GLT1D1: variants seen among roughly 807,000 people sequenced by gnomAD.
GLT1D1 encodes glycosyltransferase 1 domain-containing protein 1.
GLT1D1 carries 21 observed loss-of-function variants against 28.7 expected under a neutral mutation model. That is an observed-to-expected ratio of 0.73 (90% confidence interval 0.52 to 1.05). The LOEUF (loss-of-function observed/expected upper bound fraction) is 1.05. GLT1D1 is among the 50% of genes least tolerant of loss of function. The probability of loss-of-function intolerance (pLI) is 0.00; values close to 1 mark genes in which losing one functional copy is unlikely to be tolerated. For synonymous variants in GLT1D1, 147 were observed against 124.8 expected (o/e 1.18, Z -1.19); for missense variants, 343 against 330.6 (o/e 1.04, Z -0.29).
At chr12:128,863,378 A>AT (rs796805677) in intron 1 of GLT1D1, among the ~76,000 whole-genome samples, 1,390 of 78,010 alleles carry the variant, frequency 0.018, 14 homozygotes, top group African/African-American at 0.058. Context: ...ATAATTTATT[A>AT]TTTTTTTTTT....
intron 4 of GLT1D1, among the ~76,000 whole-genome samples, chr12:128,933,255 G>A (rs1442467651): frequency 3.9e-5 from 6 of 152,268 alleles, no homozygotes; most frequent in South Asian, 2.1e-4. Flanking sequence ...CACAGGGTGC[G>A]GAAGCGATGC....
At chr12:128,889,206 T>G (rs1218822565) in intron 3 of GLT1D1, among the ~76,000 whole-genome samples, 1 of 152,162 alleles carries the variant, frequency 6.6e-6, no homozygotes, top group African/African-American at 2.4e-5. Context: ...AGCACACAAA[T>G]TAGGATCTAG....
At chr12:128,958,976 TACAGGCA>T in intron 7 of GLT1D1, among the ~76,000 whole-genome samples, 1 of 151,008 alleles carries the variant, frequency 6.6e-6, no homozygotes, top group East Asian at 2.0e-4. Context: ...TAGCTGGGAC[TACAGGCA>T]TGCACCACCA....
chr12:128,914,632 C>T (rs1471574900), intron 4 of GLT1D1, among the ~76,000 whole-genome samples: 3 of 152,014 alleles, frequency 2.0e-5, no homozygotes, highest in Non-Finnish European at 4.4e-5. Flanking sequence ...CCAGCCTGGC[C>T]AACATGGTGA....
intron 1 of GLT1D1, among the ~76,000 whole-genome samples, chr12:128,874,999 G>A (rs1264572303): frequency 6.6e-6 from 1 of 151,604 alleles, no homozygotes; most frequent in African/African-American, 2.4e-5. Flanking sequence ...ATGTTACCAG[G>A]AGCTGAAACT....
intron 2 of GLT1D1, among the ~76,000 whole-genome samples, chr12:128,883,522 G>A (rs1307872797): frequency 6.6e-6 from 1 of 150,612 alleles, no homozygotes; most frequent in Non-Finnish European, 1.5e-5. Flanking sequence ...CCCGGGAGAC[G>A]GAGCTTGCAG....
intron 6 of GLT1D1, among the ~76,000 whole-genome samples, chr12:128,949,172 T>C (rs1876436190): frequency 6.6e-6 from 1 of 152,234 alleles, no homozygotes; most frequent in African/African-American, 2.4e-5. Flanking sequence ...TAGGTAAATA[T>C]ACATTTTTTT....
chr12:128,952,990 C>A (rs1213524521), intron 6 of GLT1D1, among the ~76,000 whole-genome samples: 3 of 152,022 alleles, frequency 2.0e-5, no homozygotes, highest in Non-Finnish European at 2.9e-5. Context: ...CCATGTTGGC[C>A]TAGCTGGTCT....
chr12:128,906,866 T>A (rs1870931693), intron 4 of GLT1D1: 1 of 702,080 alleles, frequency 1.4e-6, no homozygotes, highest in African/African-American at 1.7e-5. Context: ...TTACTTTGTG[T>A]ACATTTACTC....
Position 128,881,206 on chromosome 12 carries a change from A to G in GLT1D1, c.217+5144A>G, listed in dbSNP as rs1156519408. On this transcript the variant is annotated intron_variant, in intron 2 of 7. Coordinates refer to ENST00000281703, the MANE Select transcript of GLT1D1 (RefSeq NM_144669.3). ...GCCACTGCACTCCAGCCTGGGCGAC[A>G]GAGCGAGACTCCGTTTCAAAAAAAA... Among the ~76,000 whole-genome samples the G allele has an allele frequency of 1.3e-4, 17 of 127,862 alleles. No homozygotes were observed. The South Asian group carries it at 1.3e-3, about 10-fold the overall frequency. 83.9% of individuals were successfully genotyped at this position (127,862 alleles called of 152,430 possible).
chr12:128,885,788 G>A (rs143789615), intron 2 of GLT1D1, among the ~76,000 whole-genome samples: 22 of 151,326 alleles, frequency 1.5e-4, no homozygotes, highest in South Asian at 8.7e-4. Flanking sequence ...TTGATAGTGT[G>A]TATCTTTTAG....
At chr12:128,957,324 A>G (rs1036705570) in intron 6 of GLT1D1, among the ~76,000 whole-genome samples, 1 of 152,362 alleles carries the variant, frequency 6.6e-6, no homozygotes, top group African/African-American at 2.4e-5. Context: ...ATTACAGCGT[A>G]TAGTGTTTCA....
intron 4 of GLT1D1, among the ~76,000 whole-genome samples, chr12:128,925,038 T>G (rs1239085836): frequency 2.0e-5 from 3 of 151,934 alleles, no homozygotes; most frequent in Non-Finnish European, 1.5e-5. Flanking sequence ...AAATTGTTTT[T>G]TGTTTTTTTT....
chr12:128,957,586 C>G lies in GLT1D1; in HGVS notation c.582C>G (p.Pro194=), dbSNP rs141781055. 5 of 1,613,874 alleles carry G rather than the reference C, an allele frequency of 3.1e-6. No homozygotes were observed. In the African/African-American group the frequency reaches 4.0e-5, roughly 13 times the overall value. ...TACCGGTATTGGCCAGGAACATCCC[C>G]GGGAATGCTGCCGTGGTGAAGCATG... is the stretch of plus-strand genomic sequence containing the variant. Residue 194 remains proline, a synonymous_variant, in exon 7 of 8, where the codon CCC becomes CCG. Coordinates refer to ENST00000281703, the MANE Select transcript of GLT1D1 (RefSeq NM_144669.3).
chr12:128,914,921 T>C lies in GLT1D1; in HGVS notation c.375+15634T>C, dbSNP rs1871949979. The C allele has an allele frequency of 6.5e-7, 1 of 1,535,558 alleles. No homozygotes were observed. The highest frequency in any genetic ancestry group is 2.0e-5 in the Admixed American group (1 of 50,974). Reference sequence around the variant, plus strand: ...AAAGTGAACTTGCCCTTTTTTTGTTTCTTTGACCCAGGAATTGCAACAACA... The same window carrying C: ...AAAGTGAACTTGCCCTTTTTTTGTTCCTTTGACCCAGGAATTGCAACAACA... On this transcript the variant is annotated intron_variant, in intron 4 of 7. Transcript: ENST00000281703.
intron 3 of GLT1D1, among the ~76,000 whole-genome samples, chr12:128,897,356 G>T (rs959013766): frequency 2.0e-5 from 3 of 151,938 alleles, no homozygotes; most frequent in African/African-American, 7.3e-5. Context: ...TTAATTTGTG[G>T]TATTTCAGTA....
At chr12:128,908,886 T>C (rs557209637) in intron 4 of GLT1D1, among the ~76,000 whole-genome samples, 8 of 152,150 alleles carry the variant, frequency 5.3e-5, no homozygotes, top group Admixed American at 1.3e-4. Flanking sequence ...GAGGCAGAGC[T>C]TGCAGTGAGC....
intron 6 of GLT1D1, among the ~76,000 whole-genome samples, chr12:128,952,461 A>C (rs1593181353): frequency 2.0e-5 from 2 of 102,280 alleles, no homozygotes; most frequent in Non-Finnish European, 3.7e-5. Context: ...GAAAAGGGAA[A>C]TTTCTTTCTT....
intron 1 of GLT1D1, among the ~76,000 whole-genome samples, chr12:128,853,901 A>G (rs1383731048): frequency 1.3e-5 from 2 of 152,094 alleles, no homozygotes; most frequent in African/African-American, 4.8e-5. Flanking sequence ...GAGGGGACTG[A>G]GCAGGTGAAC....
Sources: gnomAD v4.1 joint callset for allele counts (sites outside exome capture counted in the v4.1 genomes callset) on GRCh38, gnomAD v4.1.1 for gene constraint, MANE v1.5 for transcripts, NCBI Gene and HGNC (gene_info 2026-07-23, HGNC 2026-07-21) for gene names.